ELP4: variants seen among roughly 807,000 people sequenced by gnomAD.
ELP4 encodes elongator acetyltransferase complex subunit 4, also known as elongator complex protein 4.
In ELP4, 51 loss-of-function variants were observed where a neutral mutation model predicts 48.9. That is an observed-to-expected ratio of 1.04 (90% CI 0.83 to 1.32). ELP4 has a LOEUF of 1.32. Ranked by LOEUF, ELP4 falls within the 40% of genes most tolerant of loss-of-function variation. The pLI is 0.00. For synonymous variants in ELP4, 210 were observed against 189.2 expected, an observed-to-expected ratio of 1.11 and a Z score of -0.90; for missense variants, 519 against 514.6, an observed-to-expected ratio of 1.01 and a Z score of -0.08.
chr11:31,628,466 CACAG>C (rs1325942260), intron 6 of ELP4: 1 of 146,562 alleles, frequency 6.8e-6, no homozygotes, highest in Non-Finnish European at 1.5e-5. Flanking sequence ...CACACACACA[CACAG>C]ATATACCTTA....
At chr11:31,591,632 A>G (rs1263238664) in intron 3 of ELP4, among the ~76,000 whole-genome samples, 1 of 152,150 alleles carries the variant, frequency 6.6e-6, no homozygotes, top group Non-Finnish European at 1.5e-5. Flanking sequence ...ATATAGAATA[A>G]ATGGAACCCA....
intron 9 of ELP4, among the ~76,000 whole-genome samples, chr11:31,738,159 A>G (rs549486568): frequency 1.2e-4 from 18 of 150,150 alleles, no homozygotes; most frequent in Admixed American, 1.1e-3. Context: ...ACTTTGGGAG[A>G]CCAAGACAGG....
chr11:31,679,275 C>T (rs1946005751), intron 9 of ELP4, among the ~76,000 whole-genome samples: 1 of 152,126 alleles, frequency 6.6e-6, no homozygotes, highest in Non-Finnish European at 1.5e-5. Context: ...ATAATCAAGA[C>T]TATACCACAT....
chr11:31,615,388 A>G (rs1191422911), intron 5 of ELP4, among the ~76,000 whole-genome samples: 1 of 152,114 alleles, frequency 6.6e-6, no homozygotes, highest in African/African-American at 2.4e-5. Context: ...AATGTAAACC[A>G]GAACCAAAGA....
At chr11:31,628,436 T>TCCAC in intron 6 of ELP4, 1 of 148,242 alleles carries the variant, frequency 6.7e-6, no homozygotes, top group East Asian at 2.0e-4. Flanking sequence ...GCAAAAGGAA[T>TCCAC]ACACACACAC....
intron 9 of ELP4, among the ~76,000 whole-genome samples, chr11:31,731,844 A>G (rs912343945): frequency 6.6e-6 from 1 of 152,182 alleles, no homozygotes. Flanking sequence ...AAACTTCATA[A>G]GACTATCGGT....
At chr11:31,571,115 TAACA>T (rs1353542606) in intron 3 of ELP4, among the ~76,000 whole-genome samples, 1 of 152,150 alleles carries the variant, frequency 6.6e-6, no homozygotes, top group East Asian at 1.9e-4. Context: ...TATACCTTTT[TAACA>T]AACCTGCACA....
chr11:31,517,148 T>G (rs546346830), intron 1 of ELP4, among the ~76,000 whole-genome samples: 1 of 152,162 alleles, frequency 6.6e-6, no homozygotes, highest in African/African-American at 2.4e-5. Flanking sequence ...ATAATAGTTA[T>G]GCTTTTTTGC....
In ELP4 at chr11:31,744,507, T is replaced by C. The variant is rs573429056; in HGVS notation, c.1144-38886T>C. Among the ~76,000 whole-genome samples the C allele has an allele frequency of 7.8e-4, 118 of 152,252 alleles. 1 individual carries two copies. The highest frequency in any genetic ancestry group is 1.5e-3 in the Non-Finnish European group (100 of 68,008). On this transcript the variant is annotated intron_variant, in intron 9 of 9. Transcript: ENST00000640961. Reference sequence around the variant, plus strand: ...AATCCTCAATAAAATACTGGCAAACTGAATCCAGCAGCACATCAAAAAGCT... The same window carrying C: ...AATCCTCAATAAAATACTGGCAAACCGAATCCAGCAGCACATCAAAAAGCT...
chr11:31,523,997 A>G (rs1317397175), intron 2 of ELP4, among the ~76,000 whole-genome samples: 1 of 152,144 alleles, frequency 6.6e-6, no homozygotes, highest in Non-Finnish European at 1.5e-5. Flanking sequence ...GTTGTCACCT[A>G]TTAAAATAAT....
chr11:31,777,958 GTA>G (rs1565150707), intron 9 of ELP4, among the ~76,000 whole-genome samples: 1 of 152,232 alleles, frequency 6.6e-6, no homozygotes, highest in Non-Finnish European at 1.5e-5. Flanking sequence ...GCAGAGATGA[GTA>G]TATCATCCTG....
At chr11:31,548,922 T>C (rs1415823575) in intron 3 of ELP4, among the ~76,000 whole-genome samples, 2 of 152,078 alleles carry the variant, frequency 1.3e-5, no homozygotes, top group East Asian at 3.9e-4. Flanking sequence ...CTGGGAAAAC[T>C]GGCTAGCCAT....
chr11:31,750,436 A>C (rs1220652571), intron 9 of ELP4, among the ~76,000 whole-genome samples: 1 of 152,018 alleles, frequency 6.6e-6, no homozygotes, highest in African/African-American at 2.4e-5. Flanking sequence ...CATTCACAGT[A>C]AAAACCATCT....
intron 9 of ELP4, among the ~76,000 whole-genome samples, chr11:31,746,396 C>T (rs994694574): frequency 9.2e-5 from 14 of 152,076 alleles, no homozygotes; most frequent in Admixed American, 9.2e-4. Context: ...GGGTATATAC[C>T]CAAAGGATTA....
chr11:31,597,673 GT>G (rs1222579499), intron 4 of ELP4, among the ~76,000 whole-genome samples: 8 of 152,062 alleles, frequency 5.3e-5, no homozygotes, highest in African/African-American at 1.4e-4. Flanking sequence ...CCAGGTTCAA[GT>G]GATTCTCCTG....
chr11:31,543,844 TAAAC>T (rs975678195), intron 3 of ELP4, among the ~76,000 whole-genome samples: 4 of 152,162 alleles, frequency 2.6e-5, no homozygotes, highest in Admixed American at 6.5e-5. Context: ...ATATCTTTCA[TAAAC>T]AAAGATTTTA....
chr11:31,617,793 T>C (rs1044884543), intron 5 of ELP4, among the ~76,000 whole-genome samples: 1 of 148,320 alleles, frequency 6.7e-6, no homozygotes, highest in African/African-American at 2.5e-5. Flanking sequence ...TCCTCTAGGA[T>C]AGCTAGAATT....
intron 3 of ELP4, among the ~76,000 whole-genome samples, chr11:31,581,563 G>A: frequency 6.6e-6 from 1 of 152,092 alleles, no homozygotes; most frequent in East Asian, 1.9e-4. Context: ...CCAACCTGAA[G>A]AAGCTATTTA....
chr11:31,684,409 G>A (rs1023906634), intron 9 of ELP4, among the ~76,000 whole-genome samples: 8 of 152,106 alleles, frequency 5.3e-5, no homozygotes, highest in African/African-American at 1.9e-4. Flanking sequence ...GTTTCACCAT[G>A]TTGGCCAGGC....
Sources: allele counts gnomAD v4.1 joint callset (sites outside exome capture counted in the v4.1 genomes callset), GRCh38; gene constraint gnomAD v4.1.1; transcripts MANE v1.5; gene names NCBI Gene and HGNC (gene_info 2026-07-23, HGNC 2026-07-21).